The following DLG2 variants were observed in gnomAD, a reference collection of about 807,000 sequenced individuals.
DLG2 encodes disks large homolog 2.
A neutral mutation model predicts 132.5 loss-of-function variants in DLG2; 45 were observed. That is an observed-to-expected ratio of 0.34 (90% confidence interval 0.27 to 0.44). The LOEUF (loss-of-function observed/expected upper bound fraction) is 0.44. Among genes scored for constraint, DLG2 ranks in the 20% least tolerant of loss-of-function variants. DLG2 has a pLI of 1.00. For missense variants in DLG2, 1,045 were observed against 1,196.9 expected, an observed-to-expected ratio of 0.87 and a Z score of 1.87; for synonymous variants, 424 against 419.6, an observed-to-expected ratio of 1.01 and a Z score of -0.13.
At chr11:84,202,637 G>T (rs951986140) in intron 8 of DLG2, among the ~76,000 whole-genome samples, 1 of 152,130 alleles carries the variant, frequency 6.6e-6, no homozygotes, top group African/African-American at 2.4e-5. Context: ...TTAAACTAAA[G>T]ACCTTCTGCA....
intron 5 of DLG2, among the ~76,000 whole-genome samples, chr11:85,119,564 A>C (rs189236719): frequency 6.6e-6 from 1 of 152,152 alleles, no homozygotes; most frequent in East Asian, 1.9e-4. Flanking sequence ...AAAAAGGAAA[A>C]TTTGGATATT....
intron 15 of DLG2, among the ~76,000 whole-genome samples, chr11:83,888,189 A>T (rs1243638400): frequency 6.6e-6 from 1 of 151,846 alleles, no homozygotes; most frequent in East Asian, 1.9e-4. Context: ...ATGATTGTAT[A>T]TCTAGAAAAC....
rs116752635 is a variant in DLG2, at chr11:84,667,875, G to A, written c.358-133144C>T. On this transcript the variant is annotated intron_variant, in intron 6 of 27. Transcript: ENST00000376104. The stretch of plus-strand genomic sequence containing the variant: ...TGTCCCCACCCAAAAAGTTAACTCT[G>A]GTGGACAGAGCACAGACTAAAAAAT... 1.4e-3 allele frequency among the ~76,000 whole-genome samples: 211 copies of A among 152,058 alleles called. 1 individual carries two copies. The highest frequency in any genetic ancestry group is 4.6e-3 in the African/African-American group (189 of 41,474).
intron 6 of DLG2, among the ~76,000 whole-genome samples, chr11:84,593,325 C>T (rs780598958): frequency 6.6e-6 from 1 of 152,104 alleles, no homozygotes; most frequent in Non-Finnish European, 1.5e-5. Context: ...AATCATTCTA[C>T]TATGAAGACA....
chr11:84,280,867 ATTTTTTTTTTT>A (rs35970331), intron 7 of DLG2, among the ~76,000 whole-genome samples: 68 of 67,704 alleles, frequency 1.0e-3, no homozygotes, highest in African/African-American at 3.7e-3. Flanking sequence ...TGCCCAGCCA[ATTTTTTTTTTT>A]TTTTTTTTTT....
At chr11:85,283,812 C>T (rs2078385771) in intron 4 of DLG2, among the ~76,000 whole-genome samples, 1 of 151,312 alleles carries the variant, frequency 6.6e-6, no homozygotes, top group African/African-American at 2.4e-5. Context: ...CAATTTGTAT[C>T]CAGAGACTTA....
intron 7 of DLG2, among the ~76,000 whole-genome samples, chr11:84,251,775 C>A (rs1488126749): frequency 6.6e-6 from 1 of 151,180 alleles, no homozygotes. Context: ...CAAGTAGCTA[C>A]GACTACAGGC....
chr11:85,103,059 C>T (rs1295799556), intron 6 of DLG2, among the ~76,000 whole-genome samples: 2 of 151,732 alleles, frequency 1.3e-5, no homozygotes, highest in Non-Finnish European at 2.9e-5. Context: ...ATAAATTTAG[C>T]AAAAGAAGGG....
At chr11:84,331,052 G>T (rs1021795239) in intron 7 of DLG2, among the ~76,000 whole-genome samples, 5 of 152,118 alleles carry the variant, frequency 3.3e-5, no homozygotes, top group Admixed American at 6.5e-5. Context: ...AGGCTTAAAT[G>T]AATATAAAAT....
intron 6 of DLG2, among the ~76,000 whole-genome samples, chr11:84,968,081 CTTTA>C (rs1210306807): frequency 1.3e-5 from 2 of 151,926 alleles, no homozygotes; most frequent in Admixed American, 6.6e-5. Flanking sequence ...GTTTATAAAA[CTTTA>C]TTTATAATAA....
At chr11:84,614,933 C>A (rs1158742667) in intron 6 of DLG2, among the ~76,000 whole-genome samples, 1 of 152,068 alleles carries the variant, frequency 6.6e-6, no homozygotes, top group East Asian at 1.9e-4. Context: ...TGAGCCCTGC[C>A]ATGGTTCTTC....
At chr11:83,586,179 T>C (rs1034554641) in intron 19 of DLG2, among the ~76,000 whole-genome samples, 1 of 152,218 alleles carries the variant, frequency 6.6e-6, no homozygotes, top group Non-Finnish European at 1.5e-5. Flanking sequence ...GAGTGGGGCA[T>C]GGGCATTGCC....
chr11:84,307,866 G>C (rs2098241834), intron 7 of DLG2, among the ~76,000 whole-genome samples: 1 of 151,834 alleles, frequency 6.6e-6, no homozygotes, highest in Admixed American at 6.6e-5. Context: ...GCGGACCTTC[G>C]CGGTGAGTGT....
At chr11:83,667,974 T>G (rs1289727614) in intron 18 of DLG2, among the ~76,000 whole-genome samples, 1 of 968 alleles carries the variant, frequency 1.0e-3, no homozygotes, top group Non-Finnish European at 2.2e-3. Flanking sequence ...AGACTCCGTC[T>G]CAAAAAAAAA....
At chr11:84,671,921 G>A (rs2099706318) in intron 6 of DLG2, among the ~76,000 whole-genome samples, 1 of 152,082 alleles carries the variant, frequency 6.6e-6, no homozygotes, top group Non-Finnish European at 1.5e-5. Flanking sequence ...TTGCATTTCT[G>A]TGTTCCCTGG....
intron 6 of DLG2, among the ~76,000 whole-genome samples, chr11:84,940,834 T>G (rs2049321756): frequency 6.6e-6 from 1 of 152,228 alleles, no homozygotes; most frequent in African/African-American, 2.4e-5. Flanking sequence ...TCCTCAATGT[T>G]TTCTTTCAGT....
At chr11:85,506,788 C>T (rs941753433) in intron 3 of DLG2, among the ~76,000 whole-genome samples, 1 of 152,028 alleles carries the variant, frequency 6.6e-6, no homozygotes, top group Non-Finnish European at 1.5e-5. Flanking sequence ...CTTTCTGTCT[C>T]GTTGATCTGT....
At chr11:83,699,568 G>A (rs2082515034) in intron 18 of DLG2, among the ~76,000 whole-genome samples, 1 of 150,482 alleles carries the variant, frequency 6.6e-6, no homozygotes, top group South Asian at 2.1e-4. Flanking sequence ...AAACTAGCCG[G>A]GCGTGGTGGT....
At chr11:84,146,749 G>C (rs1302542344) in intron 9 of DLG2, among the ~76,000 whole-genome samples, 1 of 152,028 alleles carries the variant, frequency 6.6e-6, no homozygotes, top group Non-Finnish European at 1.5e-5. Context: ...TCCTGATTTG[G>C]GGTACCTAGA....
Sources: allele counts gnomAD v4.1 joint callset (sites outside exome capture counted in the v4.1 genomes callset), GRCh38; gene constraint gnomAD v4.1.1; transcripts MANE v1.5; gene names NCBI Gene and HGNC (gene_info 2026-07-23, HGNC 2026-07-21).